Variants in KCNJ4 observed in about 807,000 individuals in gnomAD.
KCNJ4 encodes the protein potassium inwardly rectifying channel subfamily J member 4.
A neutral mutation model predicts 25.6 loss-of-function variants in KCNJ4; 3 were observed. The observed-to-expected ratio is 0.12, with a 90% CI of 0.05 to 0.30. The LOEUF is 0.30. KCNJ4 is among the 10% of genes least tolerant of loss of function. KCNJ4 has a pLI of 1.00. For missense variants in KCNJ4, 286 were observed against 666.8 expected (o/e 0.43, Z 6.29); for synonymous variants, 257 against 283.9 (o/e 0.91, Z 0.95).
chr22:38,450,737 C>G (rs1371537654), intron 1 of KCNJ4, among the ~76,000 whole-genome samples: 2 of 152,168 alleles, frequency 1.3e-5, no homozygotes, highest in Non-Finnish European at 2.9e-5. Context: ...CTCTGGGCCT[C>G]AGTCTTCCCA....
chr22:38,435,710 A>G (rs1203939269), intron 1 of KCNJ4, among the ~76,000 whole-genome samples: 4 of 151,312 alleles, frequency 2.6e-5, no homozygotes, highest in East Asian at 3.9e-4. Context: ...AAAAAAAAAA[A>G]GAAATAGACA....
chr22:38,449,136 G>A lies in KCNJ4; in HGVS notation c.-40+5844C>T, dbSNP rs2089395389. Among the ~76,000 whole-genome samples, 1 of 152,186 alleles carries A rather than the reference G, an allele frequency of 6.6e-6. No homozygotes were observed. Among genetic ancestry groups the A allele is most frequent in the South Asian group, 2.1e-4 (1 of 4,828 alleles). ...TTGGCACCAGGGCTGGTCAGGGACT[G>A]GCCAGCAGCCACAGGGAGGAGTGGC... On this transcript the variant is annotated intron_variant, in intron 1 of 1. Transcript: ENST00000303592. The surrounding 1 kb of genome is among the most constrained non-coding windows in gnomAD (Gnocchi z 5.2).
rs11294836 is a variant in KCNJ4, at chr22:38,446,954, CAA to C, written c.-40+8024_-40+8025del. Among the ~76,000 whole-genome samples, 535 of 133,820 alleles carry C rather than the reference CAA, an allele frequency of 4.0e-3. 2 individuals are homozygous for C. Among genetic ancestry groups the C allele is most frequent in the African/African-American group, 9.2e-3 (334 of 36,290 alleles). The allele number at this position is 133,820 out of a possible 152,430, so 87.8% of individuals were successfully genotyped here. On this transcript the variant is annotated intron_variant, in intron 1 of 1. Transcript: ENST00000303592. ...TGGGCAACAGAGCGAGACTCCATCT[CAA>C]AAAAAAAAAAAAAAGAAACAGAGGC...
Position 38,426,524 on chromosome 22 carries a change from A to C in KCNJ4, c.*271T>G. The C allele has an allele frequency of 2.7e-6, 1 of 374,420 alleles. No individual in the cohort carries two copies. The highest frequency in any genetic ancestry group is 4.6e-5 in the East Asian group (1 of 21,862). 23.2% of individuals were successfully genotyped at this position (374,420 alleles called of 1,614,324 possible). ...TGAGAGCAAAGAGGGCACGTCCTTG[A>C]AGAGTCAGTGGGGGAAGGGTGGTGG... On this transcript the variant is annotated 3_prime_UTR_variant, in exon 2 of 2. Coordinates refer to ENST00000303592, the MANE Select transcript of KCNJ4 (RefSeq NM_152868.3).
rs1018878792 is a variant in KCNJ4 at position 38,449,968 on chromosome 22, G to C, written c.-40+5012C>G. 6.6e-6 allele frequency among the ~76,000 whole-genome samples: 1 copy of C among 152,244 alleles called. No homozygotes were observed. The highest frequency in any genetic ancestry group is 1.5e-5 in the Non-Finnish European group (1 of 68,036). ...CCCGTGAGCGCCCGTGTGCGCGCCT[G>C]CAGGAGCGCGCGTGTGTGACTCAAG... On this transcript the variant is annotated intron_variant, in intron 1 of 1. Transcript: ENST00000303592. This position sits in a 1 kb window ranked among gnomAD's most constrained non-coding sequence, Gnocchi z 5.2.
At chr22:38,433,385 G>T (rs2093055961) in intron 1 of KCNJ4, among the ~76,000 whole-genome samples, 1 of 152,168 alleles carries the variant, frequency 6.6e-6, no homozygotes, top group Non-Finnish European at 1.5e-5. Flanking sequence ...GGCGGAGGTT[G>T]CAGTGAGCCG....
In KCNJ4 at chr22:38,449,872, G is replaced by A. The variant is rs1453107972; in HGVS notation, c.-40+5108C>T. Among the ~76,000 whole-genome samples the A allele has an allele frequency of 6.6e-6, 1 of 152,028 alleles. No individual in the cohort carries two copies. The highest frequency in any genetic ancestry group is 1.5e-5 in the Non-Finnish European group (1 of 68,022). On this transcript the variant is annotated intron_variant, in intron 1 of 1. Transcript: ENST00000303592. The surrounding 1 kb of genome is among the most constrained non-coding windows in gnomAD (Gnocchi z 5.2). The stretch of plus-strand genomic sequence containing the variant: ...AGGATTGGTCAAGACCTTTGGGAGT[G>A]GGGGGCCAAGACCAGAGCAAGCCAG...
chr22:38,442,404 A>C (rs1001104474), intron 1 of KCNJ4, among the ~76,000 whole-genome samples: 1 of 151,978 alleles, frequency 6.6e-6, no homozygotes, highest in Non-Finnish European at 1.5e-5. Context: ...AAAATTAGCC[A>C]GGCGTGGTGG....
chr22:38,450,614 G>A (rs1201635482), intron 1 of KCNJ4, among the ~76,000 whole-genome samples: 1 of 152,134 alleles, frequency 6.6e-6, no homozygotes, highest in African/African-American at 2.4e-5. Flanking sequence ...ACCACCGTCA[G>A]CCCAAAGGCC....
intron 1 of KCNJ4, among the ~76,000 whole-genome samples, chr22:38,448,965 G>A (rs942135992): frequency 6.6e-6 from 1 of 151,754 alleles, no homozygotes; most frequent in East Asian, 1.9e-4. Context: ...CCATTACAAC[G>A]CTGACTTCTC....
chr22:38,435,639 G>T (rs1174506929), intron 1 of KCNJ4, among the ~76,000 whole-genome samples: 3 of 151,362 alleles, frequency 2.0e-5, no homozygotes, highest in African/African-American at 7.3e-5. Flanking sequence ...GCTGCAGTGA[G>T]CCAAGATCGT....
At chr22:38,438,428 G>A (rs1484746653) in intron 1 of KCNJ4, among the ~76,000 whole-genome samples, 2 of 151,174 alleles carry the variant, frequency 1.3e-5, no homozygotes, top group Non-Finnish European at 2.9e-5. Context: ...GATGGCTCAC[G>A]CCTGTAATTC....
chr22:38,451,214 G>C (rs2089408698), intron 1 of KCNJ4, among the ~76,000 whole-genome samples: 4 of 152,346 alleles, frequency 2.6e-5, no homozygotes, highest in South Asian at 4.1e-4. Flanking sequence ...GATTTTGGAA[G>C]TGGGGATGTT....
At chr22:38,430,165 T>G (rs1381005170) in intron 1 of KCNJ4, among the ~76,000 whole-genome samples, 1 of 152,214 alleles carries the variant, frequency 6.6e-6, no homozygotes, top group African/African-American at 2.4e-5. Flanking sequence ...ACTGTGTGAC[T>G]TGGGCGAGCT....
intron 1 of KCNJ4, among the ~76,000 whole-genome samples, chr22:38,451,556 C>T (rs1037115993): frequency 6.6e-6 from 1 of 152,102 alleles, no homozygotes; most frequent in Non-Finnish European, 1.5e-5. Context: ...AGGAGGTGGC[C>T]GAATTCAGAG....
Position 38,427,104 on chromosome 22 carries a change from G to A in KCNJ4, c.1029C>T (p.Ala343=), listed in dbSNP as rs774939549. 14 of 1,612,916 alleles carry A rather than the reference G, an allele frequency of 8.7e-6. No individual in the cohort carries two copies. Among genetic ancestry groups the A allele is most frequent in the Non-Finnish European group, 1.2e-5 (14 of 1,179,990 alleles). Residue 343 remains alanine, a synonymous_variant, in exon 2 of 2, where the codon GCC becomes GCT. Transcript: ENST00000303592. ...CCCGGGCCGAGCAGCAGGGCGTGCCGGCCACCTCGTAGGTCTTGTGAAAAC... is the reference window on the plus strand; with the variant it reads ...CCCGGGCCGAGCAGCAGGGCGTGCCAGCCACCTCGTAGGTCTTGTGAAAAC... The part of the protein sequence containing the change: ...YSRFHKTYEV[A]GTPCCSAREL...
At chr22:38,436,538 TG>T (rs1447764440) in intron 1 of KCNJ4, among the ~76,000 whole-genome samples, 2 of 152,304 alleles carry the variant, frequency 1.3e-5, no homozygotes, top group Admixed American at 6.5e-5. Context: ...GGGCCTGATG[TG>T]GATTGTCCCA....
At chr22:38,444,807 C>G (rs2089362095) in intron 1 of KCNJ4, among the ~76,000 whole-genome samples, 2 of 152,148 alleles carry the variant, frequency 1.3e-5, no homozygotes, top group Non-Finnish European at 2.9e-5. Flanking sequence ...CTCCTCAGGC[C>G]AGAGAATCTC....
intron 1 of KCNJ4, among the ~76,000 whole-genome samples, chr22:38,439,915 C>A (rs1602639736): frequency 6.8e-6 from 1 of 147,488 alleles, no homozygotes; most frequent in South Asian, 2.1e-4. Context: ...ACGGTGAAAC[C>A]CCGTCTCTAC....
Sources: gnomAD v4.1 joint callset for allele counts (sites outside exome capture counted in the v4.1 genomes callset) on GRCh38, gnomAD v4.1.1 for gene constraint, Gnocchi (gnomAD v3.1) non-coding constraint, MANE v1.5 for transcripts, NCBI Gene and HGNC (gene_info 2026-07-23, HGNC 2026-07-21) for gene names.